Variants in APC observed in about 807,000 individuals in gnomAD.
APC encodes adenomatous polyposis coli protein.
Under a neutral mutation model 247.0 loss-of-function variants are expected in APC, and 72 were observed. That is an observed-to-expected ratio of 0.29 (90% CI 0.24 to 0.35). The LOEUF is 0.35. Ranked by LOEUF, APC falls within the 10% of genes least tolerant of loss-of-function variation. The probability of loss-of-function intolerance (pLI) is 1.00; values close to 1 mark genes in which losing one functional copy is unlikely to be tolerated. For synonymous variants in APC, 1,254 were observed against 1,162.5 expected (o/e 1.08, Z -1.60); for missense variants, 3,400 against 3,360.7 (o/e 1.01, Z -0.29).
At chr5:112,770,044 G>T (rs1756860625) in intron 4 of APC, among the ~76,000 whole-genome samples, 1 of 152,042 alleles carries the variant, frequency 6.6e-6, no homozygotes, top group Non-Finnish European at 1.5e-5. Flanking sequence ...TTCCTTACTT[G>T]CTTTCTTTTC....
At position 112,835,131 on chromosome 5, in the gene APC, G is replaced by A. The variant is rs776230690; in HGVS notation, c.1924G>A (p.Val642Met). Residue 642 changes from valine to methionine, a missense_variant, in exon 15 of 16, where the codon GTG becomes ATG. By Grantham distance (21) the Val-to-Met change is conservative. Coordinates refer to ENST00000257430, the MANE Select transcript of APC (RefSeq NM_000038.6). ...IESGGGILRN[V>M]SSLIATNEDH... ...AAGTGGAGGTGGGATATTACGGAATGTGTCCAGCTTGATAGCTACAAATGA... is the reference window on the plus strand; with the variant it reads ...AAGTGGAGGTGGGATATTACGGAATATGTCCAGCTTGATAGCTACAAATGA... 1.2e-6 allele frequency: 2 copies of A among 1,614,092 alleles called. No individual in the cohort carries two copies. Among genetic ancestry groups the A allele is most frequent in the African/African-American group, 1.3e-5 (1 of 75,038 alleles).
At chr5:112,809,776 C>T (rs909992266) in intron 8 of APC, among the ~76,000 whole-genome samples, 1 of 152,052 alleles carries the variant, frequency 6.6e-6, no homozygotes, top group Non-Finnish European at 1.5e-5. Context: ...CCGAGATGGG[C>T]GGATCACGAG....
intron 1 of APC, among the ~76,000 whole-genome samples, chr5:112,753,316 G>T (rs373382043): frequency 6.6e-6 from 1 of 152,014 alleles, no homozygotes; most frequent in Admixed American, 6.6e-5. Context: ...ATCAGAGGAG[G>T]GGTCTTAACT....
intron 13 of APC, 152 bp downstream of exon 13, chr5:112,828,158 C>T: frequency 2.7e-6 from 2 of 727,630 alleles, no homozygotes; most frequent in Non-Finnish European, 4.9e-6. Flanking sequence ...ACTTCAGCCT[C>T]TCGAGGCTGG....
intron 8 of APC, among the ~76,000 whole-genome samples, chr5:112,813,846 C>T (rs1319475172): frequency 6.6e-6 from 1 of 152,136 alleles, no homozygotes; most frequent in African/African-American, 2.4e-5. Flanking sequence ...AGAATTCTCC[C>T]CTTGTACCCT....
intron 1 of APC, among the ~76,000 whole-genome samples, chr5:112,719,365 GCA>G (rs1267184627): frequency 6.6e-6 from 1 of 151,404 alleles, no homozygotes; most frequent in African/African-American, 2.4e-5. Context: ...TTACAGGTGT[GCA>G]CCACCACGCC....
At chr5:112,837,124 A>G (rs1239267045) in intron 15 of APC, among the ~76,000 whole-genome samples, 3 of 152,230 alleles carry the variant, frequency 2.0e-5, no homozygotes, top group Admixed American at 6.5e-5. Context: ...AAAATCTTCA[A>G]TCAATTCTAT....
At chr5:112,728,587 G>GT (rs1442530036) in intron 1 of APC, among the ~76,000 whole-genome samples, 1 of 151,994 alleles carries the variant, frequency 6.6e-6, no homozygotes, top group Non-Finnish European at 1.5e-5. Context: ...CTTACGCACA[G>GT]TTTTTTCTAA....
chr5:112,761,628 C>CA (rs1366380664), intron 2 of APC, among the ~76,000 whole-genome samples: 1 of 151,926 alleles, frequency 6.6e-6, no homozygotes, highest in Non-Finnish European at 1.5e-5. Flanking sequence ...ACAAAAAAGA[C>CA]AAAACAATGG....
chr5:112,749,570 C>T (rs1173343668), intron 1 of APC, among the ~76,000 whole-genome samples: 1 of 148,832 alleles, frequency 6.7e-6, no homozygotes, highest in Non-Finnish European at 1.5e-5. Flanking sequence ...CTGCAACAAC[C>T]TCCACCTCCC....
chr5:112,818,844 T>TTTTGC, intron 9 of APC, 122 bp from the exon 10 acceptor site: 1 of 842,626 alleles, frequency 1.2e-6, no homozygotes, highest in Non-Finnish European at 1.8e-6. Context: ...GTTTTTTTTT[T>TTTTGC]GGCGGGGGGG....
Position 112,766,403 on chromosome 5 carries a change from T to A in APC, c.213T>A (p.Arg71=), listed in dbSNP as rs2149784817. The change falls in exon 3 of 16, where the codon CGT becomes CGA. Residue 71 remains arginine, a synonymous_variant. Transcript: ENST00000257430. ...ASSGQIDLLE[R]LKELNLDSSN... ...CTGGACAGATTGATTTATTAGAGCGTCTTAAAGGTAGATTTTAAAAAGGTG... is the reference window on the plus strand; with the variant it reads ...CTGGACAGATTGATTTATTAGAGCGACTTAAAGGTAGATTTTAAAAAGGTG... 6.2e-7 allele frequency: 1 copy of A among 1,607,708 alleles called. No individual in the cohort carries two copies. Among genetic ancestry groups the A allele is most frequent in the South Asian group, 1.1e-5 (1 of 90,928 alleles).
chr5:112,713,305 T>C lies in APC; in HGVS notation c.165+5423T>C, dbSNP rs1207110745. Among the ~76,000 whole-genome samples the C allele has an allele frequency of 2.6e-5, 4 of 152,228 alleles. No homozygotes were observed. The South Asian group carries it at 6.2e-4, about 24-fold the overall frequency. The stretch of plus-strand genomic sequence containing the variant: ...TTATGCTTGGCTATCCTTAGCATGC[T>C]TAACTTTGGGCTCAGACTTTGCCAT... On this transcript the variant is annotated intron_variant, in intron 1 of 13. Coordinates refer to the APC transcript ENST00000507379.
intron 1 of APC, among the ~76,000 whole-genome samples, chr5:112,713,516 G>A (rs1485869956): frequency 1.3e-5 from 2 of 152,220 alleles, no homozygotes. Flanking sequence ...TTCAGTCTAG[G>A]AAGAGGGTAA....
intron 14 of APC, among the ~76,000 whole-genome samples, chr5:112,832,463 ATTGTT>A (rs375899495): frequency 1.3e-5 from 2 of 152,246 alleles, no homozygotes; most frequent in African/African-American, 4.8e-5. Flanking sequence ...CTGCTCCTAG[ATTGTT>A]TTGTTCACTT....
At chr5:112,715,887 T>G (rs1751142613) in intron 1 of APC, among the ~76,000 whole-genome samples, 1 of 152,172 alleles carries the variant, frequency 6.6e-6, no homozygotes, top group South Asian at 2.1e-4. Flanking sequence ...TAAGAATTCT[T>G]TTATCTAAAA....
intron 13 of APC, among the ~76,000 whole-genome samples, chr5:112,828,626 T>G (rs894073287): frequency 2.0e-5 from 3 of 151,768 alleles, no homozygotes; most frequent in Non-Finnish European, 2.9e-5. Flanking sequence ...TTTTAAAAAG[T>G]TTTCATAGAG....
intron 7 of APC, among the ~76,000 whole-genome samples, chr5:112,793,169 A>G (rs957428519): frequency 2.0e-5 from 3 of 152,192 alleles, no homozygotes; most frequent in Non-Finnish European, 2.9e-5. Flanking sequence ...CTGTACAGCT[A>G]GGTGACTGCT....
chr5:112,757,493 G>A (rs891347796), intron 2 of APC, among the ~76,000 whole-genome samples: 2 of 152,018 alleles, frequency 1.3e-5, no homozygotes, highest in East Asian at 1.9e-4. Context: ...TAGCACTTTC[G>A]GAGGCCAAGC....
Sources: allele counts gnomAD v4.1 joint callset (sites outside exome capture counted in the v4.1 genomes callset), GRCh38; gene constraint gnomAD v4.1.1; transcripts MANE v1.5; gene names NCBI Gene and HGNC (gene_info 2026-07-23, HGNC 2026-07-21).